ABCA10: variants seen among roughly 807,000 people sequenced by gnomAD.
The protein encoded by ABCA10 is ATP binding cassette subfamily A member 10.
Under a neutral mutation model 187.5 loss-of-function variants are expected in ABCA10, and 169 were observed. The ratio of observed to expected loss-of-function variants is 0.90; its 90% CI spans 0.80 to 1.02. The LOEUF is 1.02. ABCA10 is among the 50% of genes least tolerant of loss of function. The probability of loss-of-function intolerance (pLI) is 0.00; values close to 1 mark genes in which losing one functional copy is unlikely to be tolerated. For missense variants in ABCA10, 1,727 were observed against 1,812.4 expected, an observed-to-expected ratio of 0.95 and a Z score of 0.86; for synonymous variants, 574 against 601.8, an observed-to-expected ratio of 0.95 and a Z score of 0.68.
intron 9 of ABCA10, among the ~76,000 whole-genome samples, chr17:69,213,137 T>C (rs192844771): frequency 6.6e-6 from 1 of 152,152 alleles, no homozygotes; most frequent in African/African-American, 2.4e-5. Context: ...TATGACTTTG[T>C]GTAATGGCTT....
intron 19 of ABCA10, among the ~76,000 whole-genome samples, chr17:69,186,242 T>C (rs769901579): frequency 1.3e-5 from 2 of 152,052 alleles, no homozygotes. Flanking sequence ...TCAGACTTCA[T>C]ACTCTACCTC....
chr17:69,203,056 T>C (rs180751293), intron 9 of ABCA10, among the ~76,000 whole-genome samples: 1 of 152,268 alleles, frequency 6.6e-6, no homozygotes, highest in Non-Finnish European at 1.5e-5. Context: ...ATAAACTTCT[T>C]GATGTATGAA....
At chr17:69,169,333 T>G (rs1212284565) in intron 25 of ABCA10, among the ~76,000 whole-genome samples, 1 of 152,242 alleles carries the variant, frequency 6.6e-6, no homozygotes, top group African/African-American at 2.4e-5. Context: ...CAATATATAA[T>G]GTACTGGATA....
Position 69,216,202 on chromosome 17 carries a change from C to G in ABCA10, c.672+15G>C, listed in dbSNP as rs1177618856. Reference sequence around the variant, plus strand: ...CTGAAACAGGTTAAGAGGTAATATGCTTTTACCAACTCACCAAAGAAAGGC... The same window carrying G: ...CTGAAACAGGTTAAGAGGTAATATGGTTTTACCAACTCACCAAAGAAAGGC... On this transcript the variant is annotated intron_variant, in intron 7 of 38. Transcript: ENST00000690296. 3.7e-6 allele frequency: 6 copies of G among 1,603,504 alleles called. No individual in the cohort carries two copies. The Admixed American group carries it at 1.0e-4, about 28-fold the overall frequency.
At chr17:69,156,536 C>A (rs1454096796) in intron 28 of ABCA10, among the ~76,000 whole-genome samples, 1 of 152,018 alleles carries the variant, frequency 6.6e-6, no homozygotes, top group African/African-American at 2.4e-5. Context: ...AAATGTACTG[C>A]AATAAAGACT....
chr17:69,155,241 G>A, intron 29 of ABCA10, 105 bp from the exon 30 acceptor site: 1 of 847,608 alleles, frequency 1.2e-6, no homozygotes, highest in South Asian at 1.7e-5. Flanking sequence ...TAAATTTAAT[G>A]CCAGGCTGAA....
intron 27 of ABCA10, among the ~76,000 whole-genome samples, chr17:69,159,533 G>A (rs74527271): frequency 0.011 from 1,621 of 152,184 alleles, 26 homozygotes; most frequent in African/African-American, 0.037. Flanking sequence ...CAAAGGCAGA[G>A]AAAACAGTAA....
intron 10 of ABCA10, among the ~76,000 whole-genome samples, chr17:69,199,600 T>C (rs77874064): frequency 0.013 from 1,958 of 152,242 alleles, 48 homozygotes; most frequent in African/African-American, 0.045. Context: ...ATTAATGTCA[T>C]AAGGGCAAAT....
chr17:69,213,920 C>G (rs550829978), intron 9 of ABCA10, among the ~76,000 whole-genome samples: 1 of 152,118 alleles, frequency 6.6e-6, no homozygotes, highest in African/African-American at 2.4e-5. Context: ...GCTGATGTTT[C>G]GACAAAAGGG....
chr17:69,207,868 T>G (rs1174366998), intron 9 of ABCA10, among the ~76,000 whole-genome samples: 3 of 152,130 alleles, frequency 2.0e-5, no homozygotes, highest in Non-Finnish European at 2.9e-5. Context: ...TACAACATGT[T>G]GACTACAGCT....
chr17:69,175,520 G>A lies in ABCA10; in HGVS notation c.2770-7C>T. Reference sequence around the variant, plus strand: ...GATCCAGCACTATGTCATCCTGAAAGATGAAAACACATCAGTAAGCTGTTG... The same window carrying A: ...GATCCAGCACTATGTCATCCTGAAAAATGAAAACACATCAGTAAGCTGTTG... On this transcript the variant is annotated splice_polypyrimidine_tract_variant and splice_region_variant and intron_variant, in intron 22 of 38. Transcript: ENST00000690296. 6.3e-7 allele frequency: 1 copy of A among 1,587,712 alleles called. No homozygotes were observed. Among genetic ancestry groups the A allele is most frequent in the South Asian group, 1.1e-5 (1 of 88,054 alleles).
At chr17:69,216,568 G>T (rs1194115681) in intron 6 of ABCA10, among the ~76,000 whole-genome samples, 1 of 152,106 alleles carries the variant, frequency 6.6e-6, no homozygotes, top group African/African-American at 2.4e-5. Context: ...CTATTCATAT[G>T]GTTGTTCTGA....
intron 3 of ABCA10, chr17:69,223,631 T>C: frequency 2.3e-6 from 1 of 439,352 alleles, no homozygotes; most frequent in Non-Finnish European, 4.5e-6. Context: ...GCCATACCTT[T>C]CAAAACTCCT....
At position 69,152,140 on chromosome 17, in the gene ABCA10, C is replaced by A. The variant is rs2074133932; in HGVS notation, c.4300G>T (p.Asp1434Tyr). Residue 1434 changes from aspartate (D) to tyrosine (Y), a missense_variant, in exon 36 of 39, where the codon GAT becomes TAT. Asp to Tyr is a radical substitution (Grantham distance 160). Coordinates refer to ENST00000690296, the MANE Select transcript of ABCA10 (RefSeq NM_001377321.1). Reference protein sequence around the residue: ...IQHLKNKFGRDYLLEIKMKEP... With the variant: ...IQHLKNKFGRYYLLEIKMKEP... ...TTCATTTTTATTTCTAGTAAATAAT[C>A]TCTACCAAACTTGTTTTTCAGATGT... 3.1e-6 allele frequency: 5 copies of A among 1,613,454 alleles called. No individual in the cohort carries two copies. In the South Asian group the frequency reaches 5.5e-5, roughly 18 times the overall value.
chr17:69,241,523 G>A (rs1006250265), intron 1 of ABCA10, among the ~76,000 whole-genome samples: 8 of 152,062 alleles, frequency 5.3e-5, no homozygotes, highest in African/African-American at 9.7e-5. Context: ...GGGCCCTTTC[G>A]ATCCCATCTT....
chr17:69,164,231 T>G, intron 26 of ABCA10, 77 bp from the exon 27 acceptor site: 1 of 1,171,418 alleles, frequency 8.5e-7, no homozygotes, highest in Non-Finnish European at 1.2e-6. Context: ...ACACCCACAT[T>G]ATACTTGATG....
chr17:69,210,729 T>C (rs2074637433), intron 9 of ABCA10, among the ~76,000 whole-genome samples: 1 of 151,502 alleles, frequency 6.6e-6, no homozygotes, highest in South Asian at 2.1e-4. Flanking sequence ...TCCATCCAGG[T>C]TGCTGCAAAT....
chr17:69,180,932 T>C (rs1598099969), intron 22 of ABCA10, among the ~76,000 whole-genome samples: 1 of 152,266 alleles, frequency 6.6e-6, no homozygotes, highest in East Asian at 1.9e-4. Flanking sequence ...CAGTTAAGAA[T>C]TTGACAATTT....
At chr17:69,217,357 G>A (rs2144841691) in intron 6 of ABCA10, among the ~76,000 whole-genome samples, 1 of 152,252 alleles carries the variant, frequency 6.6e-6, no homozygotes, top group East Asian at 1.9e-4. Flanking sequence ...GAAGTAGATG[G>A]AAAGGTATGT....
Sources: allele counts gnomAD v4.1 joint callset (sites outside exome capture counted in the v4.1 genomes callset), GRCh38; gene constraint gnomAD v4.1.1; transcripts MANE v1.5; gene names NCBI Gene and HGNC (gene_info 2026-07-23, HGNC 2026-07-21).